The following TMEM245 variants were observed in gnomAD, a reference collection of about 807,000 sequenced individuals.
TMEM245 encodes transmembrane protein 245.
A neutral mutation model predicts 101.2 loss-of-function variants in TMEM245; 69 were observed. The observed-to-expected ratio is 0.68, with a 90% confidence interval of 0.56 to 0.83. TMEM245 has a LOEUF of 0.83. Ranked by LOEUF, TMEM245 falls within the 40% of genes least tolerant of loss-of-function variation. TMEM245 has a pLI of 0.00. For synonymous variants in TMEM245, 537 were observed against 449.8 expected (o/e 1.19, Z -2.45); for missense variants, 1,075 against 1,092.8 (o/e 0.98, Z 0.23).
chr9:109,042,572 ATCTC>A (rs912220801), intron 14 of TMEM245: 17 of 151,670 alleles, frequency 1.1e-4, no homozygotes, highest in African/African-American at 3.2e-4. Flanking sequence ...GCATCCTCCA[ATCTC>A]TCTCCATCTC....
chr9:109,049,500 C>T (rs1476148853), intron 14 of TMEM245, among the ~76,000 whole-genome samples: 1 of 152,142 alleles, frequency 6.6e-6, no homozygotes, highest in African/African-American at 2.4e-5. Flanking sequence ...AGGTGTGAGC[C>T]ACCGCGCCCA....
Position 109,019,745 on chromosome 9 carries a change from G to A in TMEM245, c.*715C>T, listed in dbSNP as rs536917016. 6.5e-6 allele frequency: 1 copy of A among 152,686 alleles called. No individual in the cohort carries two copies. Among genetic ancestry groups the A allele is most frequent in the East Asian group, 1.9e-4 (1 of 5,190 alleles). 9.5% of individuals were successfully genotyped at this position (152,686 alleles called of 1,614,324 possible). On this transcript the variant is annotated 3_prime_UTR_variant, in exon 18 of 18. Transcript: ENST00000374586. ...TATCATACTGTTACCATTCATAGCA[G>A]CTTAATAAGTATTTCACTTCAACGT...
intron 17 of TMEM245, among the ~76,000 whole-genome samples, chr9:109,027,387 TG>T (rs1186498534): frequency 7.2e-5 from 11 of 152,190 alleles, no homozygotes; most frequent in African/African-American, 2.2e-4. Context: ...TCTGAACTAG[TG>T]CACAACAGGC....
intron 3 of TMEM245, among the ~76,000 whole-genome samples, chr9:109,105,565 T>C (rs1164857786): frequency 1.3e-5 from 2 of 152,220 alleles, no homozygotes; most frequent in African/African-American, 2.4e-5. Context: ...AGCAGCACTA[T>C]TCACAATAGA....
intron 3 of TMEM245, among the ~76,000 whole-genome samples, chr9:109,103,832 T>C (rs913628988): frequency 1.7e-4 from 26 of 152,062 alleles, no homozygotes; most frequent in Admixed American, 1.7e-3. Flanking sequence ...ATGCCTGTAA[T>C]CTCAGCACTT....
intron 14 of TMEM245, among the ~76,000 whole-genome samples, chr9:109,040,527 A>C (rs1828270406): frequency 6.6e-6 from 1 of 152,188 alleles, no homozygotes; most frequent in East Asian, 1.9e-4. Context: ...TCTGATGGCC[A>C]CTAGATATGC....
At chr9:109,104,936 T>C (rs1028981685) in intron 3 of TMEM245, among the ~76,000 whole-genome samples, 2 of 152,210 alleles carry the variant, frequency 1.3e-5, no homozygotes, top group Non-Finnish European at 2.9e-5. Flanking sequence ...GGTAAGTATT[T>C]ACGACCTTGG....
At chr9:109,026,317 C>T (rs902613796) in intron 17 of TMEM245, among the ~76,000 whole-genome samples, 1 of 151,828 alleles carries the variant, frequency 6.6e-6, no homozygotes, top group Non-Finnish European at 1.5e-5. Flanking sequence ...AAGGTGCAAA[C>T]TATAAACACA....
rs556175068 is a variant in TMEM245, at chr9:109,036,360, C to T, written c.2245G>A (p.Ala749Thr). 1.1e-5 allele frequency: 17 copies of T among 1,598,718 alleles called. No individual in the cohort carries two copies. Among genetic ancestry groups the T allele is most frequent in the Middle Eastern group, 3.3e-4 (2 of 5,980 alleles). ...CAGTATGTCCCCAGGAATGGCACTG[C>T]TCCAAGGATTGCTGCTAATGCTGAA... Reference protein sequence around the residue: ...IPSALAAILGAVPFLGTYWAA... With the variant: ...IPSALAAILGTVPFLGTYWAA... The change falls in exon 16 of 18, where the codon GCA (alanine) becomes ACA (threonine). Residue 749 changes from alanine (A) to threonine (T), a missense_variant. Coordinates refer to ENST00000374586, the MANE Select transcript of TMEM245 (RefSeq NM_032012.4).
chr9:109,066,730 A>G lies in TMEM245; in HGVS notation c.1533-2163T>C, dbSNP rs373592650. ...GTATTATATTGATATTATATATTAT[A>G]ATGATAACACTCTCCTGTAGTGTTA... On this transcript the variant is annotated intron_variant, in intron 9 of 17. Transcript: ENST00000374586. 4.6e-5 allele frequency among the ~76,000 whole-genome samples: 7 copies of G among 152,062 alleles called. No homozygotes were observed. In the East Asian group the frequency reaches 1.2e-3, roughly 25 times the overall value.
intron 4 of TMEM245, among the ~76,000 whole-genome samples, chr9:109,092,960 A>C (rs1224689106): frequency 6.6e-6 from 1 of 152,204 alleles, no homozygotes; most frequent in Non-Finnish European, 1.5e-5. Flanking sequence ...AGAGAAATGG[A>C]TGACTGCAAG....
At chr9:109,028,454 CAAA>C (rs3060541) in intron 17 of TMEM245, among the ~76,000 whole-genome samples, 3 of 137,830 alleles carry the variant, frequency 2.2e-5, no homozygotes, top group African/African-American at 2.8e-5. Context: ...CACTCCATCT[CAAA>C]AAAAAAAAAA....
chr9:109,115,077 T>C (rs931005379), intron 1 of TMEM245, among the ~76,000 whole-genome samples: 3 of 152,180 alleles, frequency 2.0e-5, no homozygotes, highest in African/African-American at 4.8e-5. Context: ...CCAGGCGCAG[T>C]AGCTCATGCC....
intron 4 of TMEM245, among the ~76,000 whole-genome samples, chr9:109,091,954 A>G (rs1830018466): frequency 6.6e-6 from 1 of 152,228 alleles, no homozygotes; most frequent in African/African-American, 2.4e-5. Flanking sequence ...GTTAATTACA[A>G]AAGTATGTCA....
chr9:109,058,827 A>G (rs998033228), intron 11 of TMEM245, among the ~76,000 whole-genome samples: 1 of 152,112 alleles, frequency 6.6e-6, no homozygotes, highest in African/African-American at 2.4e-5. Flanking sequence ...GCTGGTCTGA[A>G]GCTCCCAGCC....
chr9:109,059,406 C>T (rs1407166107), intron 11 of TMEM245, among the ~76,000 whole-genome samples: 2 of 152,156 alleles, frequency 1.3e-5, no homozygotes, highest in African/African-American at 4.8e-5. Context: ...TGAGAATCAT[C>T]ACCACCAACT....
At chr9:109,040,969 C>T (rs921055214) in intron 14 of TMEM245, among the ~76,000 whole-genome samples, 14 of 152,158 alleles carry the variant, frequency 9.2e-5, no homozygotes, top group African/African-American at 3.4e-4. Flanking sequence ...AGTGGAGATA[C>T]TGGGTCATAC....
intron 3 of TMEM245, 26 bp downstream of exon 3, chr9:109,106,482 T>C: frequency 6.7e-7 from 1 of 1,486,702 alleles, no homozygotes; most frequent in South Asian, 1.2e-5. Context: ...CAAAGAGTAG[T>C]ATTAATAGAA....
chr9:109,099,290 A>G (rs1389410840), intron 3 of TMEM245, among the ~76,000 whole-genome samples: 1 of 152,134 alleles, frequency 6.6e-6, no homozygotes, highest in Non-Finnish European at 1.5e-5. Flanking sequence ...CTGGGAGGGG[A>G]GCAGTAAAAC....
Sources: allele counts gnomAD v4.1 joint callset (sites outside exome capture counted in the v4.1 genomes callset), GRCh38; gene constraint gnomAD v4.1.1; transcripts MANE v1.5; gene names NCBI Gene and HGNC (gene_info 2026-07-23, HGNC 2026-07-21).